DNAJC1: variants seen among roughly 807,000 people sequenced by gnomAD.
DNAJC1 encodes the protein DnaJ heat shock protein family (Hsp40) member C1.
DNAJC1 carries 58 observed loss-of-function variants against 76.6 expected under a neutral mutation model. The observed-to-expected ratio is 0.76, with a 90% CI of 0.61 to 0.94. DNAJC1 has a LOEUF of 0.94. Ranked by LOEUF, DNAJC1 falls within the 40% of genes least tolerant of loss-of-function variation. The probability of loss-of-function intolerance (pLI) is 0.00; values close to 1 mark genes in which losing one functional copy is unlikely to be tolerated. For missense variants in DNAJC1, 689 were observed against 677.3 expected (o/e 1.02, Z -0.19); for synonymous variants, 258 against 267.9 (o/e 0.96, Z 0.36).
chr10:21,972,694 G>A (rs975341511), intron 1 of DNAJC1, among the ~76,000 whole-genome samples: 4 of 151,898 alleles, frequency 2.6e-5, no homozygotes, highest in African/African-American at 7.2e-5. Flanking sequence ...TGTTCTAAAT[G>A]AGTGATTAGG....
intron 1 of DNAJC1, among the ~76,000 whole-genome samples, chr10:21,994,658 G>C (rs1838385230): frequency 6.6e-6 from 1 of 151,982 alleles, no homozygotes; most frequent in African/African-American, 2.4e-5. Context: ...AGGCATGGTG[G>C]CGGGCGCCTG....
intron 8 of DNAJC1, among the ~76,000 whole-genome samples, chr10:21,877,976 TTATAG>T: frequency 6.6e-6 from 1 of 152,334 alleles, no homozygotes. Flanking sequence ...GAAAATACCT[TTATAG>T]TAATGTACTG....
chr10:21,824,424 T>C (rs1054617073), intron 8 of DNAJC1, among the ~76,000 whole-genome samples: 1 of 152,210 alleles, frequency 6.6e-6, no homozygotes, highest in Non-Finnish European at 1.5e-5. Flanking sequence ...AGACTACTAG[T>C]GTCTCGAAAC....
intron 9 of DNAJC1, among the ~76,000 whole-genome samples, chr10:21,803,389 T>TA (rs1320583525): frequency 6.6e-6 from 1 of 152,134 alleles, no homozygotes; most frequent in African/African-American, 2.4e-5. Flanking sequence ...ATCGAATACT[T>TA]AATGAAAACA....
chr10:21,984,550 T>C (rs1210486654), intron 1 of DNAJC1, among the ~76,000 whole-genome samples: 1 of 152,178 alleles, frequency 6.6e-6, no homozygotes, highest in Non-Finnish European at 1.5e-5. Context: ...CTGCCACCAC[T>C]ACCTGTAAAG....
chr10:21,934,363 T>C (rs946833225), intron 1 of DNAJC1, among the ~76,000 whole-genome samples: 2 of 152,176 alleles, frequency 1.3e-5, no homozygotes, highest in Non-Finnish European at 2.9e-5. Flanking sequence ...AAATGTTACA[T>C]AGTAAGCTAT....
intron 8 of DNAJC1, among the ~76,000 whole-genome samples, chr10:21,808,415 G>C (rs1281785920): frequency 6.6e-6 from 1 of 152,056 alleles, no homozygotes; most frequent in Non-Finnish European, 1.5e-5. Flanking sequence ...TATTTGGATT[G>C]AATTCCTGAA....
intron 8 of DNAJC1, among the ~76,000 whole-genome samples, chr10:21,867,664 G>A (rs1380025333): frequency 6.6e-6 from 1 of 152,108 alleles, no homozygotes; most frequent in Non-Finnish European, 1.5e-5. Flanking sequence ...TTCCCACATG[G>A]CACTGGATTT....
At chr10:21,800,692 A>T (rs1157922533) in intron 9 of DNAJC1, among the ~76,000 whole-genome samples, 1 of 152,232 alleles carries the variant, frequency 6.6e-6, no homozygotes. Context: ...TATTAAAATT[A>T]TACATATCCA....
At chr10:21,874,679 G>T (rs1836156537) in intron 8 of DNAJC1, among the ~76,000 whole-genome samples, 1 of 152,114 alleles carries the variant, frequency 6.6e-6, no homozygotes, top group Non-Finnish European at 1.5e-5. Context: ...TTTATTTTCT[G>T]ATGATATGAA....
At chr10:21,919,769 A>T in intron 5 of DNAJC1, 63 bp downstream of exon 5, 1 of 1,123,124 alleles carries the variant, frequency 8.9e-7, no homozygotes, top group Non-Finnish European at 1.3e-6. Flanking sequence ...TATGAAGTTG[A>T]ATCATATTAA....
intron 9 of DNAJC1, among the ~76,000 whole-genome samples, chr10:21,789,137 C>T (rs1337375520): frequency 6.6e-6 from 1 of 152,170 alleles, no homozygotes; most frequent in East Asian, 1.9e-4. Context: ...TAGGTTTCCC[C>T]ACCGTGGGGA....
intron 9 of DNAJC1, among the ~76,000 whole-genome samples, chr10:21,770,395 C>CTT (rs34881959): frequency 4.0e-4 from 43 of 107,518 alleles, no homozygotes; most frequent in Non-Finnish European, 5.1e-4. Context: ...TTTTTTTCTT[C>CTT]TTTTTTTTTT....
intron 1 of DNAJC1, among the ~76,000 whole-genome samples, chr10:21,934,852 C>T (rs1209586987): frequency 6.6e-6 from 1 of 152,168 alleles, no homozygotes; most frequent in African/African-American, 2.4e-5. Context: ...CTGGCTCCAA[C>T]TGTTAAGAAA....
chr10:21,761,101 A>G (rs1215206975), intron 10 of DNAJC1, among the ~76,000 whole-genome samples: 1 of 152,074 alleles, frequency 6.6e-6, no homozygotes, highest in Non-Finnish European at 1.5e-5. Context: ...AATCGCTTGA[A>G]CCCAGGAGGC....
chr10:21,792,106 A>T (rs185935067), intron 9 of DNAJC1, among the ~76,000 whole-genome samples: 1 of 152,354 alleles, frequency 6.6e-6, no homozygotes, highest in African/African-American at 2.4e-5. Flanking sequence ...CTTTCAGAGC[A>T]CAACCGCTGA....
chr10:21,757,664 T>C (rs189339545), intron 11 of DNAJC1, among the ~76,000 whole-genome samples: 3 of 152,282 alleles, frequency 2.0e-5, no homozygotes, highest in Admixed American at 2.0e-4. Flanking sequence ...CCTAACAACA[T>C]ACTGCCAAAA....
intron 7 of DNAJC1, among the ~76,000 whole-genome samples, chr10:21,898,693 T>C (rs1009302400): frequency 2.0e-5 from 3 of 151,986 alleles, no homozygotes; most frequent in African/African-American, 4.8e-5. Context: ...GCAGGCATTA[T>C]AGACATGTGC....
At chr10:21,955,476 A>G (rs1166647877) in intron 1 of DNAJC1, among the ~76,000 whole-genome samples, 1 of 152,160 alleles carries the variant, frequency 6.6e-6, no homozygotes, top group African/African-American at 2.4e-5. Context: ...AAGGATGAAA[A>G]TATCACCTTT....
Sources: allele counts gnomAD v4.1 joint callset (sites outside exome capture counted in the v4.1 genomes callset), GRCh38; gene constraint gnomAD v4.1.1; transcripts MANE v1.5; gene names NCBI Gene and HGNC (gene_info 2026-07-23, HGNC 2026-07-21).